Variants in WWOX observed in about 807,000 individuals in gnomAD.
WWOX encodes the protein WW domain containing oxidoreductase.
WWOX carries 69 observed loss-of-function variants against 46.2 expected under a neutral mutation model. The ratio of observed to expected loss-of-function variants is 1.49; its 90% confidence interval spans 1.23 to 1.82. The LOEUF is 1.82. WWOX is among the 40% of genes most tolerant of loss of function. The pLI is 0.00. For missense variants in WWOX, 919 were observed against 542.6 expected (o/e 1.69, Z -6.89); for synonymous variants, 359 against 202.6 (o/e 1.77, Z -6.56).
chr16:78,275,123 A>T (rs1488376372), intron 5 of WWOX, among the ~76,000 whole-genome samples: 3 of 152,218 alleles, frequency 2.0e-5, no homozygotes, highest in Admixed American at 1.3e-4. Flanking sequence ...TTATGCTTTA[A>T]GGATCCTAAA....
intron 5 of WWOX, among the ~76,000 whole-genome samples, chr16:78,244,793 C>T (rs1241984998): frequency 1.3e-5 from 2 of 152,014 alleles, no homozygotes; most frequent in African/African-American, 4.8e-5. Flanking sequence ...CCAGTGAATT[C>T]TCATAGGAGC....
At chr16:79,211,014 AGTATGAAT>A in intron 8 of WWOX, among the ~76,000 whole-genome samples, 1 of 133,828 alleles carries the variant, frequency 7.5e-6, no homozygotes, top group African/African-American at 2.7e-5. Context: ...GTTTGTGCTA[AGTATGAAT>A]GTATGGTGAG....
chr16:78,270,572 A>G (rs1356181041), intron 5 of WWOX: 1 of 152,214 alleles, frequency 6.6e-6, no homozygotes, highest in African/African-American at 2.4e-5. Context: ...AATAAAGCTC[A>G]TGCTGTTTGC....
At chr16:78,787,149 A>G (rs901719309) in intron 8 of WWOX, among the ~76,000 whole-genome samples, 2 of 152,228 alleles carry the variant, frequency 1.3e-5, no homozygotes, top group African/African-American at 4.8e-5. Flanking sequence ...CTGTGTCTCA[A>G]AAACAAAAAT....
intron 8 of WWOX, among the ~76,000 whole-genome samples, chr16:78,737,445 G>T (rs2049117541): frequency 6.6e-6 from 1 of 151,934 alleles, no homozygotes; most frequent in East Asian, 1.9e-4. Context: ...CCTTATATAT[G>T]TATTTATTAA....
intron 8 of WWOX, chr16:78,535,362 C>T (rs530111866): frequency 1.0e-4 from 16 of 152,382 alleles, no homozygotes; most frequent in African/African-American, 3.8e-4. Flanking sequence ...TTTATCTTCT[C>T]TCCATCTCCT....
At chr16:78,466,863 A>G (rs1426435224) in intron 8 of WWOX, among the ~76,000 whole-genome samples, 3 of 152,180 alleles carry the variant, frequency 2.0e-5, no homozygotes, top group African/African-American at 7.2e-5. Context: ...AAAAAGCACA[A>G]AAAATTTTTT....
chr16:78,391,881 A>AGAAACATT (rs1294461189), intron 6 of WWOX, among the ~76,000 whole-genome samples: 1 of 152,164 alleles, frequency 6.6e-6, no homozygotes. Flanking sequence ...ACGTAAAACA[A>AGAAACATT]GAAACATTTC....
chr16:78,713,032 G>C (rs896118895), intron 8 of WWOX, among the ~76,000 whole-genome samples: 22 of 152,048 alleles, frequency 1.4e-4, no homozygotes, highest in African/African-American at 4.3e-4. Flanking sequence ...TGCTTTGACA[G>C]GCTGAGGGAG....
chr16:78,934,463 C>G (rs1401098945), intron 8 of WWOX, among the ~76,000 whole-genome samples: 1 of 139,094 alleles, frequency 7.2e-6, no homozygotes. Context: ...GAACTGTGAT[C>G]ACGCCACTGC....
At chr16:78,533,956 C>T (rs150503458) in intron 8 of WWOX, among the ~76,000 whole-genome samples, 1 of 152,104 alleles carries the variant, frequency 6.6e-6, no homozygotes, top group African/African-American at 2.4e-5. Flanking sequence ...AGAGTAGTAA[C>T]CCTACATTCT....
intron 5 of WWOX, among the ~76,000 whole-genome samples, chr16:78,378,092 T>C (rs2081871576): frequency 6.6e-6 from 1 of 151,994 alleles, no homozygotes; most frequent in Non-Finnish European, 1.5e-5. Flanking sequence ...CCTCTGTTCT[T>C]CAAGAATCCC....
At chr16:79,210,283 C>T (rs915578594) in intron 8 of WWOX, among the ~76,000 whole-genome samples, 4 of 152,196 alleles carry the variant, frequency 2.6e-5, no homozygotes, top group African/African-American at 9.6e-5. Flanking sequence ...ATGGCAGATT[C>T]TTCACGTCGT....
chr16:78,763,452 T>G lies in WWOX; in HGVS notation c.1056+330700T>G, dbSNP rs117783732. Among the ~76,000 whole-genome samples, 1,392 of 152,306 alleles carry G rather than the reference T, an allele frequency of 9.1e-3. 6 individuals carry two copies. The highest frequency in any genetic ancestry group is 0.012 in the Non-Finnish European group (790 of 68,026). The stretch of plus-strand genomic sequence containing the variant: ...TCTTCTGACCTCAAGTAGTTTATAG[T>G]CCAAAAAGACATTGGCTCTTTGGGA... On this transcript the variant is annotated intron_variant, in intron 8 of 8. Transcript: ENST00000566780.
intron 4 of WWOX, among the ~76,000 whole-genome samples, chr16:78,148,693 C>G (rs918148619): frequency 1.3e-5 from 2 of 151,470 alleles, no homozygotes; most frequent in African/African-American, 4.9e-5. Flanking sequence ...GTCAGGAGAT[C>G]GAGACCATCC....
intron 8 of WWOX, among the ~76,000 whole-genome samples, chr16:79,023,662 G>A (rs1459701398): frequency 6.6e-6 from 1 of 152,108 alleles, no homozygotes; most frequent in Admixed American, 6.5e-5. Flanking sequence ...GCTTACACCT[G>A]TAATCCCAGC....
chr16:78,278,723 C>A, intron 5 of WWOX: 1 of 1,467,776 alleles, frequency 6.8e-7, no homozygotes, highest in Admixed American at 1.8e-5. Flanking sequence ...GTGGGTATTT[C>A]CTGGTCTTTT....
intron 8 of WWOX, among the ~76,000 whole-genome samples, chr16:78,684,252 G>A (rs993391951): frequency 4.6e-5 from 7 of 152,152 alleles, no homozygotes; most frequent in African/African-American, 1.7e-4. Context: ...ATTTGCCCTT[G>A]GCTCATGTAT....
At chr16:79,027,735 A>G (rs2047674391) in intron 8 of WWOX, among the ~76,000 whole-genome samples, 5 of 150,446 alleles carry the variant, frequency 3.3e-5, no homozygotes. Context: ...TTTATACAGA[A>G]TGTCTCTTTT....
Sources: gnomAD v4.1 joint callset for allele counts (sites outside exome capture counted in the v4.1 genomes callset) on GRCh38, gnomAD v4.1.1 for gene constraint, MANE v1.5 for transcripts, NCBI Gene and HGNC (gene_info 2026-07-23, HGNC 2026-07-21) for gene names.